RB1CC1: variants seen among roughly 807,000 people sequenced by gnomAD.
RB1CC1 encodes RB1 inducible coiled-coil 1.
In RB1CC1, 46 loss-of-function variants were observed where a neutral mutation model predicts 177.5. That is an observed-to-expected ratio of 0.26 (90% CI 0.20 to 0.33). RB1CC1 has a LOEUF of 0.33. RB1CC1 is among the 10% of genes least tolerant of loss of function. RB1CC1 has a pLI of 1.00. For missense variants in RB1CC1, 1,703 were observed against 1,816.3 expected, an observed-to-expected ratio of 0.94 and a Z score of 1.13; for synonymous variants, 666 against 613.6, an observed-to-expected ratio of 1.09 and a Z score of -1.26.
At chr8:52,642,915 T>G in intron 16 of RB1CC1, 103 bp from the exon 17 acceptor site, 1 of 1,194,774 alleles carries the variant, frequency 8.4e-7, no homozygotes, top group African/African-American at 1.6e-5. Context: ...CATTTGTACA[T>G]GGAGATGATG....
chr8:52,632,314 A>T lies in RB1CC1; in HGVS notation c.4441-1786T>A, dbSNP rs575996426. ...AAGGATATTTTGTTTATTAAGTCAA[A>T]TTTTGATGCTCTGAATTTCCTCCAC... On this transcript the variant is annotated intron_variant, in intron 20 of 23. Coordinates refer to ENST00000025008, the MANE Select transcript of RB1CC1 (RefSeq NM_014781.5). 2.2e-4 allele frequency among the ~76,000 whole-genome samples: 34 copies of T among 152,316 alleles called. No individual in the cohort carries two copies. The South Asian group carries it at 5.4e-3, about 24-fold the overall frequency.
At chr8:52,706,846 G>A (rs1429138143) in intron 1 of RB1CC1, among the ~76,000 whole-genome samples, 1 of 151,722 alleles carries the variant, frequency 6.6e-6, no homozygotes, top group Non-Finnish European at 1.5e-5. Context: ...ATTTTTAGTA[G>A]AGACAGGGTT....
intron 15 of RB1CC1, among the ~76,000 whole-genome samples, chr8:52,654,692 C>T (rs543189866): frequency 1.3e-5 from 2 of 152,290 alleles, no homozygotes; most frequent in Non-Finnish European, 2.9e-5. Context: ...CTTGGGCCTA[C>T]GCTGTCCAGC....
intron 1 of RB1CC1, among the ~76,000 whole-genome samples, chr8:52,712,409 A>G (rs1857131591): frequency 6.6e-6 from 1 of 152,038 alleles, no homozygotes; most frequent in African/African-American, 2.4e-5. Context: ...TTTCGAAAAC[A>G]AAAGTCTTGT....
chr8:52,629,703 T>C (rs1048447005), intron 21 of RB1CC1, among the ~76,000 whole-genome samples: 2 of 152,228 alleles, frequency 1.3e-5, no homozygotes, highest in African/African-American at 2.4e-5. Flanking sequence ...TTCATCTGCA[T>C]GACAAAACTT....
chr8:52,659,553 C>G (rs1027513807), intron 12 of RB1CC1, among the ~76,000 whole-genome samples: 9 of 151,924 alleles, frequency 5.9e-5, no homozygotes, highest in Non-Finnish European at 1.0e-4. Context: ...TAAATCATTA[C>G]TCAAGCAGAT....
intron 15 of RB1CC1, among the ~76,000 whole-genome samples, chr8:52,654,059 T>G (rs1850869261): frequency 6.6e-6 from 1 of 152,214 alleles, no homozygotes; most frequent in South Asian, 2.1e-4. Flanking sequence ...TATTCAACAT[T>G]AAGTATGTGT....
Position 52,622,519 on chromosome 8 carries a change from T to C in RB1CC1, c.*1263A>G, listed in dbSNP as rs1848128723. 6.6e-6 allele frequency: 1 copy of C among 151,896 alleles called. No individual in the cohort carries two copies. The highest frequency in any genetic ancestry group is 2.1e-4 in the South Asian group (1 of 4,832). The allele number at this position is 151,896 out of a possible 1,614,324, so 9.4% of individuals were successfully genotyped here. ...ATTCAGTTTTCTATACACTATGATGTTTATTCCATTTTGTACTATTAGATA... is the reference window on the plus strand; with the variant it reads ...ATTCAGTTTTCTATACACTATGATGCTTATTCCATTTTGTACTATTAGATA... On this transcript the variant is annotated 3_prime_UTR_variant, in exon 24 of 24. Transcript: ENST00000025008.
chr8:52,662,150 A>G (rs572738994), intron 8 of RB1CC1, among the ~76,000 whole-genome samples: 1 of 152,202 alleles, frequency 6.6e-6, no homozygotes, highest in Non-Finnish European at 1.5e-5. Flanking sequence ...AAATAATAAA[A>G]TGCCCTTAAA....
At chr8:52,665,783 G>T (rs1852017258) in intron 8 of RB1CC1, among the ~76,000 whole-genome samples, 1 of 152,114 alleles carries the variant, frequency 6.6e-6, no homozygotes, top group South Asian at 2.1e-4. Context: ...GAGAAATTAG[G>T]TGACTAGGAA....
At chr8:52,713,503 AG>A (rs1857230243) in intron 1 of RB1CC1, among the ~76,000 whole-genome samples, 1 of 151,992 alleles carries the variant, frequency 6.6e-6, no homozygotes, top group African/African-American at 2.4e-5. Context: ...AGTCATTCCT[AG>A]GAGTAACTTT....
chr8:52,684,869 T>G (rs752050696), intron 3 of RB1CC1, among the ~76,000 whole-genome samples: 9 of 152,102 alleles, frequency 5.9e-5, no homozygotes, highest in Non-Finnish European at 1.3e-4. Flanking sequence ...CTGTTTACTG[T>G]TTACATGAAT....
chr8:52,698,191 T>G (rs1265187932), intron 1 of RB1CC1, among the ~76,000 whole-genome samples: 1 of 152,076 alleles, frequency 6.6e-6, no homozygotes, highest in African/African-American at 2.4e-5. Flanking sequence ...ATCCTCCCAC[T>G]TAAGCCTCTC....
chr8:52,674,741 C>T (rs932604673), intron 6 of RB1CC1, among the ~76,000 whole-genome samples: 27 of 149,636 alleles, frequency 1.8e-4, no homozygotes, highest in African/African-American at 5.7e-4. Context: ...GCACTCCAGC[C>T]GCCTGGGTGA....
chr8:52,663,909 C>T (rs1415479635), intron 8 of RB1CC1, among the ~76,000 whole-genome samples: 1 of 152,132 alleles, frequency 6.6e-6, no homozygotes, highest in African/African-American at 2.4e-5. Context: ...TAGTGTCCTG[C>T]CTCCTTGGAG....
intron 5 of RB1CC1, among the ~76,000 whole-genome samples, chr8:52,677,904 C>A (rs575347355): frequency 6.6e-6 from 1 of 151,918 alleles, no homozygotes; most frequent in African/African-American, 2.4e-5. Context: ...CTGTTGGGTA[C>A]ATTAAAGCAA....
intron 13 of RB1CC1, 117 bp from the exon 14 acceptor site, chr8:52,658,241 T>G (rs1851258546): frequency 8.7e-7 from 1 of 1,144,070 alleles, no homozygotes; most frequent in African/African-American, 1.6e-5. Context: ...CTTTTTAAAT[T>G]AATACCAGAA....
chr8:52,653,798 A>G (rs991024320), intron 15 of RB1CC1, among the ~76,000 whole-genome samples: 2 of 152,214 alleles, frequency 1.3e-5, no homozygotes, highest in Non-Finnish European at 2.9e-5. Flanking sequence ...AAATGATCCA[A>G]TGAGCATTTC....
intron 1 of RB1CC1, among the ~76,000 whole-genome samples, chr8:52,697,295 T>TAAAAAAA (rs35428453): frequency 1.1e-5 from 1 of 87,932 alleles, no homozygotes. Flanking sequence ...AAATGGTTAC[T>TAAAAAAA]AAAAAAAAAA....
Sources: gnomAD v4.1 joint callset for allele counts (sites outside exome capture counted in the v4.1 genomes callset) on GRCh38, gnomAD v4.1.1 for gene constraint, MANE v1.5 for transcripts, NCBI Gene and HGNC (gene_info 2026-07-23, HGNC 2026-07-21) for gene names.